CDH13: variants seen among roughly 807,000 people sequenced by gnomAD.
The protein encoded by CDH13 is cadherin-13.
In CDH13, 24 loss-of-function variants were observed where a neutral mutation model predicts 63.8. The observed-to-expected ratio is 0.38, with a 90% CI of 0.27 to 0.53. The LOEUF is 0.53. Among genes scored for constraint, CDH13 ranks in the 20% least tolerant of loss-of-function variants. The probability of loss-of-function intolerance (pLI) is 0.85; values close to 1 mark genes in which losing one functional copy is unlikely to be tolerated. For missense variants in CDH13, 1,049 were observed against 903.1 expected (o/e 1.16, Z -2.07); for synonymous variants, 503 against 355.3 (o/e 1.42, Z -4.67).
chr16:82,788,317 C>T (rs922500454), intron 1 of CDH13, among the ~76,000 whole-genome samples: 1 of 152,220 alleles, frequency 6.6e-6, no homozygotes, highest in Admixed American at 6.5e-5. Context: ...CTACCCATTA[C>T]ATCTGCCTGT....
At chr16:83,718,354 A>G (rs1909225318) in intron 10 of CDH13, among the ~76,000 whole-genome samples, 2 of 152,234 alleles carry the variant, frequency 1.3e-5, no homozygotes, top group African/African-American at 4.8e-5. Context: ...GAAGAAATTC[A>G]AGAATGAGTC....
chr16:83,795,239 C>A lies in CDH13; in HGVS notation c.*209C>A, dbSNP rs1904276036. On this transcript the variant is annotated 3_prime_UTR_variant, in exon 14 of 14. Coordinates refer to ENST00000567109, the MANE Select transcript of CDH13 (RefSeq NM_001257.5). ...TCCTCCCTCCTTTAATTAATGGAAT[C>A]TTCTGAATTTTCCCTGAATGTTTAA... 1.9e-6 allele frequency: 1 copy of A among 535,436 alleles called. No individual in the cohort carries two copies. The highest frequency in any genetic ancestry group is 3.3e-6 in the Non-Finnish European group (1 of 300,866). The allele number at this position is 535,436 out of a possible 1,614,324, so 33.2% of individuals were successfully genotyped here.
intron 6 of CDH13, among the ~76,000 whole-genome samples, chr16:83,455,189 CTT>C (rs1349651186): frequency 7.2e-5 from 11 of 152,304 alleles, no homozygotes; most frequent in Admixed American, 5.9e-4. Context: ...GTATCTCTGA[CTT>C]TCAGAGGGTG....
rs140268493 is a variant in CDH13, at chr16:83,647,382, C to T, written c.1102-23408C>T. Among the ~76,000 whole-genome samples the T allele has an allele frequency of 6.7e-4, 102 of 151,742 alleles. 1 individual carries two copies. The highest frequency in any genetic ancestry group is 3.4e-3 in the Middle Eastern group (1 of 292). On this transcript the variant is annotated intron_variant, in intron 8 of 13. Coordinates refer to ENST00000567109, the MANE Select transcript of CDH13 (RefSeq NM_001257.5). ...TACCTGTAGGAAGTACCGTGTTGCT[C>T]ACGGGTGACCCCAGGAGGCTTACCT...
At chr16:83,739,958 CAG>C (rs1464782989) in intron 10 of CDH13, 5 of 152,368 alleles carry the variant, frequency 3.3e-5, no homozygotes, top group African/African-American at 1.2e-4. Flanking sequence ...AGGCAGACTT[CAG>C]AGAGACCATC....
intron 4 of CDH13, among the ~76,000 whole-genome samples, chr16:83,167,182 G>C (rs927530003): frequency 1.3e-5 from 2 of 149,898 alleles, no homozygotes; most frequent in African/African-American, 2.5e-5. Context: ...ATTCTTGTCT[G>C]TAAGTGAAAT....
At chr16:83,747,790 G>T (rs1013661043) in intron 10 of CDH13, among the ~76,000 whole-genome samples, 1 of 149,454 alleles carries the variant, frequency 6.7e-6, no homozygotes, top group African/African-American at 2.5e-5. Flanking sequence ...AAAGAAACAA[G>T]ACTGGACGTG....
At chr16:83,699,394 A>AT (rs1368933181) in intron 10 of CDH13, among the ~76,000 whole-genome samples, 3 of 152,242 alleles carry the variant, frequency 2.0e-5, no homozygotes, top group African/African-American at 7.2e-5. Flanking sequence ...TAAATATGTG[A>AT]TAAGTTGATA....
chr16:82,710,850 T>C (rs1337663258), intron 1 of CDH13, among the ~76,000 whole-genome samples: 1 of 151,168 alleles, frequency 6.6e-6, no homozygotes, highest in African/African-American at 2.4e-5. Context: ...CATAAATGTG[T>C]ACACATTTCA....
intron 7 of CDH13, among the ~76,000 whole-genome samples, chr16:83,538,225 G>A (rs1217963376): frequency 6.6e-6 from 1 of 152,180 alleles, no homozygotes; most frequent in Non-Finnish European, 1.5e-5. Context: ...GCCTCTTGTT[G>A]CTTGGATTGT....
intron 1 of CDH13, among the ~76,000 whole-genome samples, chr16:82,804,749 A>T (rs1030741196): frequency 2.0e-5 from 3 of 152,208 alleles, no homozygotes; most frequent in African/African-American, 7.2e-5. Flanking sequence ...CCAAATAGGT[A>T]TCTCACAGAG....
intron 2 of CDH13, among the ~76,000 whole-genome samples, chr16:82,871,194 A>G (rs1053096641): frequency 5.9e-5 from 9 of 152,196 alleles, no homozygotes; most frequent in African/African-American, 2.2e-4. Context: ...TTGATCAAAG[A>G]CTTTGAAATC....
At chr16:83,710,161 A>G (rs1158512897) in intron 10 of CDH13, 2 of 152,214 alleles carry the variant, frequency 1.3e-5, no homozygotes, top group Admixed American at 6.5e-5. Context: ...CTCTGCAACA[A>G]GAATTATCCA....
intron 1 of CDH13, among the ~76,000 whole-genome samples, chr16:82,774,500 A>G (rs2151102010): frequency 6.6e-6 from 1 of 152,348 alleles, no homozygotes; most frequent in Admixed American, 6.5e-5. Context: ...ACCACTGTGT[A>G]TTCTTTAGGA....
At chr16:83,016,790 AT>A (rs2151446737) in intron 2 of CDH13, among the ~76,000 whole-genome samples, 1 of 151,956 alleles carries the variant, frequency 6.6e-6, no homozygotes, top group African/African-American at 2.4e-5. Flanking sequence ...GGAAGGAAGG[AT>A]GGGGTGTTTA....
At chr16:83,262,454 C>T (rs1035036599) in intron 5 of CDH13, among the ~76,000 whole-genome samples, 1 of 152,140 alleles carries the variant, frequency 6.6e-6, no homozygotes, top group Non-Finnish European at 1.5e-5. Context: ...ATTTCATTTT[C>T]TTTCAAATAT....
chr16:83,565,080 T>C (rs1393863133), intron 7 of CDH13, among the ~76,000 whole-genome samples: 3 of 152,210 alleles, frequency 2.0e-5, no homozygotes, highest in African/African-American at 7.2e-5. Flanking sequence ...ATCACTTCCC[T>C]GCCCTACACC....
intron 4 of CDH13, among the ~76,000 whole-genome samples, chr16:83,170,849 C>G (rs2037883875): frequency 6.6e-6 from 1 of 152,032 alleles, no homozygotes; most frequent in Non-Finnish European, 1.5e-5. Flanking sequence ...AGTGACCCTT[C>G]TAACTAGTTT....
chr16:82,821,895 GC>G (rs1419283597), intron 1 of CDH13, among the ~76,000 whole-genome samples: 1 of 152,204 alleles, frequency 6.6e-6, no homozygotes, highest in Non-Finnish European at 1.5e-5. Context: ...GACCATCTAT[GC>G]TTCCTAATCC....
Sources: allele counts gnomAD v4.1 joint callset (sites outside exome capture counted in the v4.1 genomes callset), GRCh38; gene constraint gnomAD v4.1.1; transcripts MANE v1.5; gene names NCBI Gene and HGNC (gene_info 2026-07-23, HGNC 2026-07-21).